Variants in PPM1D observed in about 807,000 individuals in gnomAD.
PPM1D encodes protein phosphatase 1D.
PPM1D carries 52 observed loss-of-function variants against 58.3 expected under a neutral mutation model. The observed-to-expected ratio is 0.89, with a 90% CI of 0.71 to 1.12. The LOEUF is 1.12. Among genes scored for constraint, PPM1D ranks in the 50% most tolerant of loss-of-function variants. PPM1D has a pLI of 0.00. For synonymous variants in PPM1D, 278 were observed against 285.1 expected (o/e 0.98, Z 0.25); for missense variants, 564 against 777.2 (o/e 0.73, Z 3.26).
chr17:60,602,424 A>AT (rs2030234495), intron 1 of PPM1D, among the ~76,000 whole-genome samples: 1 of 148,860 alleles, frequency 6.7e-6, no homozygotes, highest in African/African-American at 2.6e-5. Flanking sequence ...ATTAGTATTA[A>AT]ATTTTTTTTT....
chr17:60,607,182 G>A (rs2030348605), intron 1 of PPM1D, among the ~76,000 whole-genome samples: 2 of 151,840 alleles, frequency 1.3e-5, no homozygotes, highest in South Asian at 4.1e-4. Context: ...CTTTATTCAT[G>A]ATCATAAGTT....
At chr17:60,632,002 C>A (rs1268588161) in intron 2 of PPM1D, among the ~76,000 whole-genome samples, 2 of 152,044 alleles carry the variant, frequency 1.3e-5, no homozygotes, top group African/African-American at 4.8e-5. Flanking sequence ...CCTGGTGAAA[C>A]CCCGTGTCTA....
chr17:60,658,251 G>A (rs930476265), intron 5 of PPM1D, among the ~76,000 whole-genome samples: 5 of 152,116 alleles, frequency 3.3e-5, no homozygotes, highest in African/African-American at 1.2e-4. Flanking sequence ...ATTAGGGTGG[G>A]GAATAGTGTG....
intron 2 of PPM1D, among the ~76,000 whole-genome samples, chr17:60,626,258 C>T (rs536451647): frequency 4.6e-4 from 70 of 152,114 alleles, no homozygotes; most frequent in African/African-American, 1.3e-3. Flanking sequence ...AACTATTTGT[C>T]TCTATAAAGG....
intron 5 of PPM1D, 27 bp from the exon 6 acceptor site, chr17:60,662,968 T>TA (rs754348719): frequency 6.4e-7 from 1 of 1,559,066 alleles, no homozygotes; most frequent in Admixed American, 2.0e-5. Flanking sequence ...AATTTTTTCT[T>TA]ATTTGTTTTA....
chr17:60,626,122 T>C (rs1431133545), intron 2 of PPM1D, among the ~76,000 whole-genome samples: 1 of 152,222 alleles, frequency 6.6e-6, no homozygotes, highest in African/African-American at 2.4e-5. Context: ...TTTTTTGTTA[T>C]TGCAAACTGC....
At chr17:60,612,011 T>C (rs545254654) in intron 1 of PPM1D, among the ~76,000 whole-genome samples, 1 of 151,720 alleles carries the variant, frequency 6.6e-6, no homozygotes, top group South Asian at 2.1e-4. Context: ...AGCCACTGAC[T>C]ACATGTAGTC....
At chr17:60,641,983 C>G (rs1056066008) in intron 3 of PPM1D, among the ~76,000 whole-genome samples, 1 of 152,222 alleles carries the variant, frequency 6.6e-6, no homozygotes, top group Admixed American at 6.5e-5. Flanking sequence ...AATTGGCTGT[C>G]TGCCAGTTTC....
At chr17:60,616,729 C>T (rs988095879) in intron 1 of PPM1D, among the ~76,000 whole-genome samples, 1 of 152,166 alleles carries the variant, frequency 6.6e-6, no homozygotes, top group Admixed American at 6.5e-5. Flanking sequence ...ATAAAGGTGA[C>T]ATTTCAGATG....
At position 60,600,336 on chromosome 17, in the gene PPM1D, G is replaced by T. The variant is rs1179866332; in HGVS notation, c.-79G>T. The T allele has an allele frequency of 1.3e-6, 2 of 1,507,264 alleles. No homozygotes were observed. The highest frequency in any genetic ancestry group is 1.2e-5 in the South Asian group (1 of 81,734). 93.4% of individuals were successfully genotyped at this position (1,507,264 alleles called of 1,614,324 possible). A position where few individuals can be genotyped will look rare whatever the true frequency, so the allele number is the denominator to read the frequency against. ...CGTCGTCGAAGATAAACAATAGTTGGCCGGCGAGCGCCTAGTGTGTCTCCC... is the reference window on the plus strand; with the variant it reads ...CGTCGTCGAAGATAAACAATAGTTGTCCGGCGAGCGCCTAGTGTGTCTCCC... On this transcript the variant is annotated 5_prime_UTR_variant, in exon 1 of 6. Transcript: ENST00000305921.
chr17:60,607,855 A>T (rs1419551241), intron 1 of PPM1D, among the ~76,000 whole-genome samples: 11 of 152,232 alleles, frequency 7.2e-5, no homozygotes, highest in Non-Finnish European at 1.6e-4. Context: ...GTTAACTTGG[A>T]CTGAAGATTT....
intron 3 of PPM1D, among the ~76,000 whole-genome samples, chr17:60,642,804 T>C (rs1317983520): frequency 6.6e-6 from 1 of 152,082 alleles, no homozygotes; most frequent in Non-Finnish European, 1.5e-5. Flanking sequence ...CGGTGGCTTA[T>C]GCCTGTAATC....
chr17:60,624,905 C>T (rs948870407), intron 2 of PPM1D, among the ~76,000 whole-genome samples: 2 of 151,770 alleles, frequency 1.3e-5, no homozygotes, highest in Non-Finnish European at 2.9e-5. Context: ...TTTGGGAGAC[C>T]GAGGCGGGTG....
At chr17:60,635,251 T>C (rs1001043184) in intron 3 of PPM1D, among the ~76,000 whole-genome samples, 2 of 152,108 alleles carry the variant, frequency 1.3e-5, no homozygotes, top group East Asian at 1.9e-4. Context: ...GTTTTACTCT[T>C]GTTCCCCAGG....
rs1194753500 is a variant in PPM1D at position 60,600,229 on chromosome 17, G to C, written c.-186G>C. ...GCAACTGCCTGGCTCTGCTCGCTCC[G>C]GCGCTCCGGCCCAGCTCTCGCGGAC... On this transcript the variant is annotated 5_prime_UTR_variant, in exon 1 of 6. Transcript: ENST00000305921. The C allele has an allele frequency of 5.7e-6, 7 of 1,218,600 alleles. No homozygotes were observed. The highest frequency in any genetic ancestry group is 7.7e-6 in the Non-Finnish European group (7 of 909,026). 75.5% of individuals were successfully genotyped at this position (1,218,600 alleles called of 1,614,324 possible).
intron 2 of PPM1D, among the ~76,000 whole-genome samples, chr17:60,632,133 G>A (rs1258054907): frequency 2.6e-5 from 4 of 152,044 alleles, no homozygotes; most frequent in Non-Finnish European, 4.4e-5. Flanking sequence ...GGCGGAGCTT[G>A]CAGTGAGCTG....
At chr17:60,613,802 C>T (rs890374505) in intron 1 of PPM1D, among the ~76,000 whole-genome samples, 1 of 152,188 alleles carries the variant, frequency 6.6e-6, no homozygotes, top group Non-Finnish European at 1.5e-5. Flanking sequence ...GCAGTGCTGG[C>T]CCACCGGCGC....
chr17:60,657,608 T>G lies in PPM1D; in HGVS notation c.1260+767T>G, dbSNP rs74786124. Among the ~76,000 whole-genome samples the G allele has an allele frequency of 2.4e-3, 368 of 152,358 alleles. 5 individuals carry two copies. In the East Asian group the frequency reaches 0.034, roughly 14 times the overall value. On this transcript the variant is annotated intron_variant, in intron 5 of 5. Coordinates refer to ENST00000305921, the MANE Select transcript of PPM1D (RefSeq NM_003620.4). ...GAAGTTTTTTAAAGTGTCAAAGGCC[T>G]TTAATTTTGGGCGTCGTAATCCTAT...
chr17:60,662,938 A>G lies in PPM1D; in HGVS notation c.1261-57A>G, dbSNP rs1047856702. On this transcript the variant is annotated intron_variant, in intron 5 of 5. Transcript: ENST00000305921. ...AAGAAGCCTAATATCACATGCATAG[A>G]TTTGTTGAGTTCTGGGATAAATTTT... 2.7e-6 allele frequency: 4 copies of G among 1,480,818 alleles called. No individual in the cohort carries two copies. In the African/African-American group the frequency reaches 4.2e-5, roughly 16 times the overall value. The allele number at this position is 1,480,818 out of a possible 1,614,324, so 91.7% of individuals were successfully genotyped here.
Sources: gnomAD v4.1 joint callset for allele counts (sites outside exome capture counted in the v4.1 genomes callset) on GRCh38, gnomAD v4.1.1 for gene constraint, MANE v1.5 for transcripts, NCBI Gene and HGNC (gene_info 2026-07-23, HGNC 2026-07-21) for gene names.